Variants in SLC26A5 observed in about 807,000 individuals in gnomAD.
SLC26A5 encodes the protein prestin.
Under a neutral mutation model 81.0 loss-of-function variants are expected in SLC26A5, and 51 were observed. The ratio of observed to expected loss-of-function variants is 0.63; its 90% confidence interval spans 0.50 to 0.80. The LOEUF (loss-of-function observed/expected upper bound fraction) is 0.80. Among genes scored for constraint, SLC26A5 ranks in the 30% least tolerant of loss-of-function variants. The pLI, the probability that SLC26A5 is intolerant of heterozygous loss-of-function variation, is 0.00. For synonymous variants in SLC26A5, 325 were observed against 332.8 expected, an observed-to-expected ratio of 0.98 and a Z score of 0.25; for missense variants, 771 against 905.8, an observed-to-expected ratio of 0.85 and a Z score of 1.91.
intron 9 of SLC26A5, among the ~76,000 whole-genome samples, chr7:103,393,682 C>G (rs1822859954): frequency 6.6e-6 from 1 of 151,860 alleles, no homozygotes; most frequent in Non-Finnish European, 1.5e-5. Flanking sequence ...TCTTGTGAAT[C>G]TGGAGGAGAT....
intron 10 of SLC26A5, among the ~76,000 whole-genome samples, chr7:103,392,406 A>G (rs75044386): frequency 0.067 from 10,157 of 152,172 alleles, 1,126 homozygotes; most frequent in African/African-American, 0.23. Context: ...AAACCTTCCT[A>G]GGGAGCAAAA....
At chr7:103,421,033 G>T (rs1389937342) in intron 3 of SLC26A5, among the ~76,000 whole-genome samples, 156 bp from the exon 4 acceptor site, 4 of 151,956 alleles carry the variant, frequency 2.6e-5, no homozygotes, top group African/African-American at 9.7e-5. Context: ...AGGAGTCAGG[G>T]ATAGGGAAAA....
rs184033236 is a variant in SLC26A5, at chr7:103,382,636, G to A, written c.1515-2087C>T. ...AAGTGCCAGGATTACAGACAGGCAT[G>A]AGCCACTGTGCCTGCCCCTAATTCC... On this transcript the variant is annotated intron_variant, in intron 14 of 19. Transcript: ENST00000306312. Among the ~76,000 whole-genome samples, 806 of 152,164 alleles carry A rather than the reference G, an allele frequency of 5.3e-3. 3 individuals carry two copies. The highest frequency in any genetic ancestry group is 9.0e-3 in the Non-Finnish European group (610 of 67,994).
Position 103,392,906 on chromosome 7 carries a change from T to G in SLC26A5, c.1119+13A>C. On this transcript the variant is annotated intron_variant, in intron 10 of 19. Transcript: ENST00000306312. ...CTGCTATGAAACATGTGCAGGAAAC[T>G]GATTATCTTTACCTGATTGCCGTCA... The G allele has an allele frequency of 6.2e-7, 1 of 1,613,962 alleles. No homozygotes were observed. The highest frequency in any genetic ancestry group is 8.5e-7 in the Non-Finnish European group (1 of 1,179,848).
chr7:103,354,636 C>T (rs1819930463), intron 19 of SLC26A5, among the ~76,000 whole-genome samples: 1 of 152,066 alleles, frequency 6.6e-6, no homozygotes. Flanking sequence ...CCCTAAAGTG[C>T]AGGGATTATA....
In SLC26A5 at chr7:103,367,347, T is replaced by G; in HGVS notation, c.2041+9461A>C. 1.3e-6 allele frequency: 2 copies of G among 1,511,374 alleles called. No individual in the cohort carries two copies. Among genetic ancestry groups the G allele is most frequent in the Non-Finnish European group, 1.8e-6 (2 of 1,092,702 alleles). 93.6% of individuals were successfully genotyped at this position (1,511,374 alleles called of 1,614,324 possible). On this transcript the variant is annotated intron_variant, in intron 19 of 19. Transcript: ENST00000339444. The surrounding 1 kb of genome is among the most constrained non-coding windows in gnomAD (Gnocchi z 6.1). ...ATTTGAGCTGAGATTTTTGGTACTTTCAGGTCATGCATAGTGCTACTCTTG... is the reference window on the plus strand; with the variant it reads ...ATTTGAGCTGAGATTTTTGGTACTTGCAGGTCATGCATAGTGCTACTCTTG...
intron 5 of SLC26A5, among the ~76,000 whole-genome samples, chr7:103,412,553 G>T (rs7812124): frequency 0.25 from 28,750 of 113,580 alleles, 3,754 homozygotes; most frequent in African/African-American, 0.42. Context: ...TTTTTTTTTT[G>T]TTTTTTTTTT....
intron 19 of SLC26A5, among the ~76,000 whole-genome samples, chr7:103,376,524 A>G: frequency 6.6e-6 from 1 of 152,088 alleles, no homozygotes; most frequent in Non-Finnish European, 1.5e-5. Flanking sequence ...GGTCATGTAT[A>G]TATTATAATT....
At position 103,414,349 on chromosome 7, in the gene SLC26A5, C is replaced by A. The variant is rs566431263; in HGVS notation, c.293-1237G>T. Among the ~76,000 whole-genome samples, 51 of 152,014 alleles carry A rather than the reference C, an allele frequency of 3.4e-4. 1 individual carries two copies. The South Asian group carries it at 9.8e-3, about 29-fold the overall frequency. ...TACAGGTGTGTACCATCACACCTGGCTAATTTTTGTAGAGACAGAGTTTCC... is the reference window on the plus strand; with the variant it reads ...TACAGGTGTGTACCATCACACCTGGATAATTTTTGTAGAGACAGAGTTTCC... On this transcript the variant is annotated intron_variant, in intron 4 of 19. Coordinates refer to ENST00000306312, the MANE Select transcript of SLC26A5 (RefSeq NM_198999.3).
At chr7:103,428,159 A>G (rs1345203970) in intron 2 of SLC26A5, among the ~76,000 whole-genome samples, 1 of 152,080 alleles carries the variant, frequency 6.6e-6, no homozygotes, top group East Asian at 1.9e-4. Context: ...GGCCCCGTCT[A>G]GAGATTCTAA....
chr7:103,435,975 C>T (rs1055734943), intron 2 of SLC26A5, among the ~76,000 whole-genome samples: 5 of 151,966 alleles, frequency 3.3e-5, no homozygotes, highest in South Asian at 2.1e-4. Flanking sequence ...GGCATTTGTA[C>T]GCTAAAATTT....
intron 3 of SLC26A5, among the ~76,000 whole-genome samples, 196 bp from the exon 4 acceptor site, chr7:103,421,073 A>T (rs989103756): frequency 6.6e-6 from 1 of 152,172 alleles, no homozygotes; most frequent in Admixed American, 6.5e-5. Context: ...TTCCTGGGAG[A>T]CAAAAGATAT....
intron 8 of SLC26A5, among the ~76,000 whole-genome samples, chr7:103,400,097 T>G (rs947595554): frequency 6.6e-6 from 1 of 151,754 alleles, no homozygotes; most frequent in East Asian, 1.9e-4. Context: ...GTAACGGGAT[T>G]GCTGGGTCAA....
At chr7:103,436,424 G>A (rs1826458275) in intron 2 of SLC26A5, among the ~76,000 whole-genome samples, 1 of 152,082 alleles carries the variant, frequency 6.6e-6, no homozygotes, top group South Asian at 2.1e-4. Context: ...TAAGAGGCAG[G>A]TACTATTTTC....
At chr7:103,375,723 C>T (rs1423045754) in intron 19 of SLC26A5, among the ~76,000 whole-genome samples, 1 of 151,778 alleles carries the variant, frequency 6.6e-6, no homozygotes, top group African/African-American at 2.4e-5. Flanking sequence ...TGTGAGCCAC[C>T]ACACCCAGCC....
chr7:103,380,467 A>C lies in SLC26A5; in HGVS notation c.1584+13T>G. 6.2e-7 allele frequency: 1 copy of C among 1,607,962 alleles called. No individual in the cohort carries two copies. Among genetic ancestry groups the C allele is most frequent in the Non-Finnish European group, 8.5e-7 (1 of 1,174,586 alleles). ...TGCTTACAACCTTTTTAAGTGATAG[A>C]AAAAGGTCCTACCTCCTCATATGCG... On this transcript the variant is annotated intron_variant, in intron 15 of 19. Coordinates refer to ENST00000306312, the MANE Select transcript of SLC26A5 (RefSeq NM_198999.3).
intron 14 of SLC26A5, among the ~76,000 whole-genome samples, chr7:103,387,694 T>G (rs964603874): frequency 2.6e-5 from 4 of 152,138 alleles, no homozygotes; most frequent in African/African-American, 9.7e-5. Context: ...TTTAAAAAAT[T>G]TTTTGAGATG....
chr7:103,425,697 A>G (rs1255728870), intron 2 of SLC26A5, among the ~76,000 whole-genome samples: 1 of 152,190 alleles, frequency 6.6e-6, no homozygotes, highest in Non-Finnish European at 1.5e-5. Context: ...AGTACATGAA[A>G]TCAGTTTTGA....
chr7:103,365,697 A>G (rs1014611330), intron 19 of SLC26A5, among the ~76,000 whole-genome samples: 13 of 152,140 alleles, frequency 8.5e-5, no homozygotes, highest in African/African-American at 2.7e-4. Flanking sequence ...TGGGAGGCTG[A>G]GACGGGTGGA....
Sources: allele counts gnomAD v4.1 joint callset (sites outside exome capture counted in the v4.1 genomes callset), GRCh38; gene constraint gnomAD v4.1.1; non-coding constraint Gnocchi (gnomAD v3.1); transcripts MANE v1.5; gene names NCBI Gene and HGNC (gene_info 2026-07-23, HGNC 2026-07-21).